Variants in ANKS1B observed in about 807,000 individuals in gnomAD.
ANKS1B encodes ankyrin repeat and sterile alpha motif domain-containing protein 1B.
Under a neutral mutation model 148.3 loss-of-function variants are expected in ANKS1B, and 36 were observed. The observed-to-expected ratio is 0.24, with a 90% CI of 0.19 to 0.32. ANKS1B has a LOEUF of 0.32. ANKS1B is among the 10% of genes least tolerant of loss of function. ANKS1B has a pLI of 1.00. For synonymous variants in ANKS1B, 542 were observed against 560.8 expected (o/e 0.97, Z 0.47); for missense variants, 1,157 against 1,542.6 (o/e 0.75, Z 4.19).
chr12:99,352,413 G>A (rs1323007139), intron 12 of ANKS1B, among the ~76,000 whole-genome samples: 3 of 151,810 alleles, frequency 2.0e-5, no homozygotes, highest in Non-Finnish European at 4.4e-5. Flanking sequence ...CTGGGAGGGG[G>A]GAGTCTGCTA....
At chr12:99,001,991 T>C (rs1415004238) in intron 17 of ANKS1B, among the ~76,000 whole-genome samples, 3 of 152,236 alleles carry the variant, frequency 2.0e-5, no homozygotes, top group Non-Finnish European at 2.9e-5. Context: ...TTCTTCTTTT[T>C]TTAAAGACTG....
chr12:99,640,446 C>T (rs1305584566), intron 9 of ANKS1B, among the ~76,000 whole-genome samples: 1 of 151,968 alleles, frequency 6.6e-6, no homozygotes, highest in Non-Finnish European at 1.5e-5. Flanking sequence ...AGGACTTTGC[C>T]CTCATGAATG....
At chr12:98,955,031 T>A (rs1374682359) in intron 17 of ANKS1B, among the ~76,000 whole-genome samples, 1 of 151,560 alleles carries the variant, frequency 6.6e-6, no homozygotes, top group Non-Finnish European at 1.5e-5. Flanking sequence ...GAATAGAATA[T>A]TCTATTCTAG....
intron 1 of ANKS1B, among the ~76,000 whole-genome samples, chr12:99,942,765 G>A (rs945706274): frequency 6.6e-6 from 1 of 152,070 alleles, no homozygotes; most frequent in Non-Finnish European, 1.5e-5. Context: ...AGGATCCCAA[G>A]CTCATGGAGC....
chr12:99,698,749 T>A (rs1317122119), intron 8 of ANKS1B, among the ~76,000 whole-genome samples: 1 of 152,194 alleles, frequency 6.6e-6, no homozygotes, highest in African/African-American at 2.4e-5. Flanking sequence ...TCCTCTTTTT[T>A]ACCTGCTTAA....
At chr12:99,118,230 T>A (rs1168860858) in intron 15 of ANKS1B, among the ~76,000 whole-genome samples, 1 of 152,216 alleles carries the variant, frequency 6.6e-6, no homozygotes, top group South Asian at 2.1e-4. Flanking sequence ...AAAATATTGA[T>A]CTAGTGGTTG....
chr12:99,172,797 T>C (rs2077936407), intron 14 of ANKS1B, among the ~76,000 whole-genome samples: 2 of 152,172 alleles, frequency 1.3e-5, no homozygotes, highest in African/African-American at 4.8e-5. Context: ...GGATTAAAGA[T>C]GTTGATAAAT....
chr12:99,539,373 G>A (rs1031861944), intron 9 of ANKS1B, among the ~76,000 whole-genome samples: 2 of 151,924 alleles, frequency 1.3e-5, no homozygotes, highest in Admixed American at 6.6e-5. Flanking sequence ...GAAATATTGG[G>A]GCAAAGTTTT....
chr12:99,730,006 G>C (rs2058979848), intron 8 of ANKS1B, among the ~76,000 whole-genome samples: 1 of 152,152 alleles, frequency 6.6e-6, no homozygotes, highest in African/African-American at 2.4e-5. Context: ...TTGTAGCTTT[G>C]TGCATGTATG....
intron 2 of ANKS1B, among the ~76,000 whole-genome samples, chr12:99,814,643 C>A (rs1040176707): frequency 6.6e-6 from 1 of 151,618 alleles, no homozygotes; most frequent in Non-Finnish European, 1.5e-5. Flanking sequence ...TCTGAAGTCC[C>A]AACTCTCTAC....
At chr12:98,979,298 C>G (rs577637554) in intron 17 of ANKS1B, among the ~76,000 whole-genome samples, 6 of 150,910 alleles carry the variant, frequency 4.0e-5, no homozygotes, top group Non-Finnish European at 7.4e-5. Context: ...GATGGAGTCT[C>G]GCTCTGTCGC....
At chr12:99,488,385 T>C (rs2096521984) in intron 10 of ANKS1B, among the ~76,000 whole-genome samples, 1 of 152,214 alleles carries the variant, frequency 6.6e-6, no homozygotes, top group African/African-American at 2.4e-5. Context: ...TAGGGACATT[T>C]TAATTAATAA....
intron 1 of ANKS1B, among the ~76,000 whole-genome samples, chr12:99,890,600 TG>T (rs1350877748): frequency 5.0e-4 from 75 of 151,432 alleles, no homozygotes; most frequent in South Asian, 6.3e-4. Flanking sequence ...TGTGTGTGTG[TG>T]TGTGTGTGTG....
chr12:99,183,704 C>A (rs1213161844), intron 14 of ANKS1B, among the ~76,000 whole-genome samples: 1 of 152,104 alleles, frequency 6.6e-6, no homozygotes. Context: ...AAATAGAGGG[C>A]AAAGCAGGTT....
chr12:98,968,648 C>G (rs2099880671), intron 17 of ANKS1B, among the ~76,000 whole-genome samples: 1 of 152,062 alleles, frequency 6.6e-6, no homozygotes, highest in Admixed American at 6.6e-5. Flanking sequence ...TCCTAAAGCT[C>G]CTTCCTAGGA....
intron 17 of ANKS1B, among the ~76,000 whole-genome samples, chr12:98,887,624 T>C (rs2099743107): frequency 6.6e-6 from 1 of 152,190 alleles, no homozygotes; most frequent in Non-Finnish European, 1.5e-5. Flanking sequence ...ACCATTTTTT[T>C]TTTGAGACAG....
chr12:99,043,535 T>C (rs899476989), intron 17 of ANKS1B, among the ~76,000 whole-genome samples: 4 of 152,230 alleles, frequency 2.6e-5, no homozygotes, highest in African/African-American at 9.6e-5. Context: ...GTGCCAGGCA[T>C]AAGGCTTGTA....
At chr12:99,533,634 ACTTTT>A (rs2097027540) in intron 9 of ANKS1B, among the ~76,000 whole-genome samples, 1 of 152,148 alleles carries the variant, frequency 6.6e-6, no homozygotes, top group South Asian at 2.1e-4. Context: ...AATGCTTTCA[ACTTTT>A]CCCCATTCAG....
chr12:99,420,322 G>T (rs937125405), intron 11 of ANKS1B, among the ~76,000 whole-genome samples: 1 of 152,098 alleles, frequency 6.6e-6, no homozygotes, highest in Admixed American at 6.5e-5. Context: ...TACCACGAGG[G>T]TTATCACAAA....
Sources: gnomAD v4.1 joint callset for allele counts (sites outside exome capture counted in the v4.1 genomes callset) on GRCh38, gnomAD v4.1.1 for gene constraint, MANE v1.5 for transcripts, NCBI Gene and HGNC (gene_info 2026-07-23, HGNC 2026-07-21) for gene names.